Variants in TAF12 observed in about 807,000 individuals in gnomAD.
TAF12 encodes the protein transcription initiation factor TFIID subunit 12.
TAF12 carries 3 observed loss-of-function variants against 20.8 expected under a neutral mutation model. That is an observed-to-expected ratio of 0.14 (90% CI 0.07 to 0.37). The LOEUF is 0.37. Among genes scored for constraint, TAF12 ranks in the 10% least tolerant of loss-of-function variants. TAF12 has a pLI of 1.00. For missense variants in TAF12, 131 were observed against 197.9 expected (o/e 0.66, Z 2.03); for synonymous variants, 69 against 70.2 (o/e 0.98, Z 0.09).
chr1:28,614,730 G>A (rs1294733662), intron 3 of TAF12, among the ~76,000 whole-genome samples: 1 of 151,248 alleles, frequency 6.6e-6, no homozygotes, highest in Non-Finnish European at 1.5e-5. Flanking sequence ...CAAGCGTTCT[G>A]AGTCTAAATC....
chr1:28,621,209 T>G (rs150228378), intron 2 of TAF12, among the ~76,000 whole-genome samples: 2 of 152,262 alleles, frequency 1.3e-5, no homozygotes, highest in East Asian at 3.9e-4. Context: ...CCGCTCTCAT[T>G]AATCTTTGCA....
At chr1:28,616,072 A>G (rs1276544476) in intron 3 of TAF12, among the ~76,000 whole-genome samples, 2 of 152,188 alleles carry the variant, frequency 1.3e-5, no homozygotes, top group East Asian at 1.9e-4. Context: ...TTATACTTCA[A>G]ATCAGCTTTT....
chr1:28,626,366 G>A (rs1269049123), intron 1 of TAF12, among the ~76,000 whole-genome samples: 4 of 151,824 alleles, frequency 2.6e-5, no homozygotes, highest in Non-Finnish European at 4.4e-5. Flanking sequence ...GATCACCTGA[G>A]GTCAGGAGTT....
rs929515571 is a variant in TAF12, at chr1:28,603,495, T to C, written c.*44A>G. On this transcript the variant is annotated 3_prime_UTR_variant, in exon 6 of 6. Transcript: ENST00000373824. ...GAGATGGCTGAGTTCTCAGCTCAAG[T>C]ATCTCCAAATACATTGCTGTCCATT... The C allele has an allele frequency of 3.7e-6, 6 of 1,609,350 alleles. No homozygotes were observed. Among genetic ancestry groups the C allele is most frequent in the South Asian group, 2.2e-5 (2 of 90,830 alleles).
chr1:28,605,345 G>A (rs759119485), intron 5 of TAF12, 27 bp downstream of exon 5: 1 of 1,605,832 alleles, frequency 6.2e-7, no homozygotes, highest in Non-Finnish European at 8.5e-7. Flanking sequence ...AGCCCTGGCT[G>A]TCCCCAGGGC....
At chr1:28,638,536 G>A (rs1667921728) in intron 1 of TAF12, among the ~76,000 whole-genome samples, 1 of 148,604 alleles carries the variant, frequency 6.7e-6, no homozygotes, top group African/African-American at 2.5e-5. Flanking sequence ...TGTCACCCAG[G>A]CTGGAGTGGC....
chr1:28,644,463 T>C (rs1415296823), upstream of TAF12, among the ~76,000 whole-genome samples: 2 of 152,258 alleles, frequency 1.3e-5, no homozygotes, highest in Non-Finnish European at 2.9e-5. Flanking sequence ...CTATACATCT[T>C]TTTTAAGACC....
chr1:28,634,277 G>A (rs1029329740), intron 1 of TAF12, among the ~76,000 whole-genome samples: 3 of 151,796 alleles, frequency 2.0e-5, no homozygotes, highest in East Asian at 1.9e-4. Context: ...TTAGCCAGGC[G>A]TGGTGGCGCT....
intron 1 of TAF12, among the ~76,000 whole-genome samples, chr1:28,638,787 A>ATTTTT (rs759099050): frequency 9.8e-6 from 1 of 101,846 alleles, no homozygotes; most frequent in African/African-American, 4.0e-5. Flanking sequence ...CACCTGGCCT[A>ATTTTT]TTTTTTTTTT....
chr1:28,642,906 T>C, intron 1 of TAF12, 86 bp downstream of exon 1: 1 of 986,142 alleles, frequency 1.0e-6, no homozygotes, highest in Non-Finnish European at 1.2e-6. Context: ...CACAACCTGG[T>C]CCTTCGAACA....
chr1:28,628,695 G>A (rs958866981), intron 1 of TAF12, among the ~76,000 whole-genome samples: 1 of 151,968 alleles, frequency 6.6e-6, no homozygotes, highest in African/African-American at 2.4e-5. Context: ...AAATGAGGAG[G>A]CTCACGAAAT....
intron 4 of TAF12, among the ~76,000 whole-genome samples, chr1:28,611,555 G>GAGACAC (rs1666860614): frequency 7.0e-6 from 1 of 142,024 alleles, no homozygotes; most frequent in Non-Finnish European, 1.5e-5. Flanking sequence ...CACAGAGACA[G>GAGACAC]AGACACAGAG....
intron 5 of TAF12, among the ~76,000 whole-genome samples, 174 bp from the exon 6 acceptor site, chr1:28,603,748 G>A (rs1666577492): frequency 6.6e-6 from 1 of 152,136 alleles, no homozygotes; most frequent in Admixed American, 6.6e-5. Context: ...CAGTCTGCAA[G>A]GCCCCAAGAG....
At chr1:28,637,378 G>A (rs1667871212) in intron 1 of TAF12, among the ~76,000 whole-genome samples, 1 of 151,938 alleles carries the variant, frequency 6.6e-6, no homozygotes, top group Non-Finnish European at 1.5e-5. Context: ...TTAAAAATCA[G>A]TGTAAAGGCC....
chr1:28,612,444 A>AAT lies in TAF12; in HGVS notation c.361+801_361+802dup, dbSNP rs886284487. 2.5e-4 allele frequency among the ~76,000 whole-genome samples: 36 copies of AAT among 146,732 alleles called. 1 individual carries two copies. The highest frequency in any genetic ancestry group is 4.5e-4 in the African/African-American group (18 of 40,396). ...GGTGACAGTGAGACTCGATCAAAAA[A>AAT]ATATATATATATATATTTATATATA... On this transcript the variant is annotated intron_variant, in intron 4 of 5. Transcript: ENST00000373824.
At chr1:28,644,300 C>G (rs918165357), upstream of TAF12, among the ~76,000 whole-genome samples, 14 of 152,314 alleles carry the variant, frequency 9.2e-5, no homozygotes, top group Admixed American at 9.2e-4. Context: ...CTACCACGTT[C>G]CCAGTCCACC....
chr1:28,603,653 A>G (rs777262154), intron 5 of TAF12, 79 bp from the exon 6 acceptor site: 28 of 1,481,880 alleles, frequency 1.9e-5, no homozygotes, highest in Non-Finnish European at 2.5e-5. Context: ...TGTGGCTAGC[A>G]GGCCTCATGG....
rs1035712910 is a variant in TAF12 at position 28,613,297 on chromosome 1, C to T, written c.311G>A (p.Arg104Gln). ...CTCCAGGGTGCTAGACTTGCGATGC[C>T]GCGCAAGCTGACAGGCTGCTGTCAC... ...SVVTAACQLARHRKSSTLEVK... is the reference protein window; with the variant it reads ...SVVTAACQLAQHRKSSTLEVK... The change falls in exon 4 of 6, where the codon CGG becomes CAG. Residue 104 changes from arginine to glutamine, a missense_variant. Coordinates refer to ENST00000373824, the MANE Select transcript of TAF12 (RefSeq NM_005644.4). 16 of 1,612,292 alleles carry T rather than the reference C, an allele frequency of 9.9e-6. No individual in the cohort carries two copies. The highest frequency in any genetic ancestry group is 2.2e-5 in the East Asian group (1 of 44,864).
chr1:28,624,246 T>C (rs1405674466), intron 1 of TAF12, among the ~76,000 whole-genome samples: 1 of 152,156 alleles, frequency 6.6e-6, no homozygotes, highest in African/African-American at 2.4e-5. Flanking sequence ...TAGACCACCT[T>C]CTTATAAAAT....
Sources: allele counts gnomAD v4.1 joint callset (sites outside exome capture counted in the v4.1 genomes callset), GRCh38; gene constraint gnomAD v4.1.1; transcripts MANE v1.5; gene names NCBI Gene and HGNC (gene_info 2026-07-23, HGNC 2026-07-21).